Variants in ADARB2 observed in about 807,000 individuals in gnomAD.
ADARB2 encodes the protein adenosine deaminase RNA specific B2 (inactive).
In ADARB2, 25 loss-of-function variants were observed where a neutral mutation model predicts 62.2. That is an observed-to-expected ratio of 0.40 (90% CI 0.29 to 0.56). ADARB2 has a LOEUF of 0.56. Ranked by LOEUF, ADARB2 falls within the 20% of genes least tolerant of loss-of-function variation. The probability of loss-of-function intolerance (pLI) is 0.43; values close to 1 mark genes in which losing one functional copy is unlikely to be tolerated. For synonymous variants in ADARB2, 572 were observed against 500.8 expected, an observed-to-expected ratio of 1.14 and a Z score of -1.90; for missense variants, 1,071 against 1,077.4, an observed-to-expected ratio of 0.99 and a Z score of 0.08.
At chr10:1,266,505 G>C (rs910811262) in intron 4 of ADARB2, among the ~76,000 whole-genome samples, 5 of 102,356 alleles carry the variant, frequency 4.9e-5, no homozygotes, top group African/African-American at 1.6e-4. Context: ...GCGCTGTGGT[G>C]GGGGGTGGGG....
At chr10:1,204,396 G>A (rs1328032824) in intron 7 of ADARB2, among the ~76,000 whole-genome samples, 1 of 152,212 alleles carries the variant, frequency 6.6e-6, no homozygotes, top group African/African-American at 2.4e-5. Context: ...GACAAAGCAC[G>A]GCAAAGCAGA....
chr10:1,413,393 A>G (rs776264765), intron 1 of ADARB2, among the ~76,000 whole-genome samples: 1 of 152,144 alleles, frequency 6.6e-6, no homozygotes, highest in Non-Finnish European at 1.5e-5. Flanking sequence ...AGGAAAGTCT[A>G]TTTCATCATG....
chr10:1,695,636 T>A (rs1834729611), intron 1 of ADARB2, among the ~76,000 whole-genome samples: 1 of 152,174 alleles, frequency 6.6e-6, no homozygotes, highest in African/African-American at 2.4e-5. Context: ...TGTGTGCATG[T>A]ATACACATAA....
intron 1 of ADARB2, among the ~76,000 whole-genome samples, chr10:1,385,332 C>T (rs1477477704): frequency 1.3e-5 from 2 of 151,780 alleles, no homozygotes; most frequent in South Asian, 2.1e-4. Flanking sequence ...TCTAATGATG[C>T]TGAAATTAGC....
At position 1,551,388 on chromosome 10, in the gene ADARB2, T is replaced by C. The variant is rs11250617; in HGVS notation, c.101-172228A>G. Among the ~76,000 whole-genome samples, 46 of 152,320 alleles carry C rather than the reference T, an allele frequency of 3.0e-4. 1 individual carries two copies. Among genetic ancestry groups the C allele is most frequent in the East Asian group, 2.9e-3 (15 of 5,176 alleles). On this transcript the variant is annotated intron_variant, in intron 1 of 9. Transcript: ENST00000381312. ...CACTTGCTTAAGAGAGGAAAACCTG[T>C]TGTCCGGGCTGCCACAGTGGTAAAG...
chr10:1,409,195 C>T (rs1328203463), intron 1 of ADARB2, among the ~76,000 whole-genome samples: 1 of 93,552 alleles, frequency 1.1e-5, no homozygotes, highest in South Asian at 3.6e-4. Flanking sequence ...TCGACCCGCC[C>T]TGCCTGACAG....
chr10:1,717,156 C>CTTTTTTTTTTTTTTTT (rs397969884), intron 1 of ADARB2, among the ~76,000 whole-genome samples: 1 of 63,272 alleles, frequency 1.6e-5, no homozygotes. Context: ...TTGTAGTGTG[C>CTTTTTTTTTTTTTTTT]TTTTTTTTTT....
intron 3 of ADARB2, among the ~76,000 whole-genome samples, chr10:1,311,866 G>A (rs534317907): frequency 6.6e-6 from 1 of 152,318 alleles, no homozygotes; most frequent in South Asian, 2.1e-4. Context: ...AAGCCTCCCG[G>A]AGAATGTGAG....
At chr10:1,465,372 C>G (rs1831241080) in intron 1 of ADARB2, among the ~76,000 whole-genome samples, 1 of 152,226 alleles carries the variant, frequency 6.6e-6, no homozygotes, top group Non-Finnish European at 1.5e-5. Flanking sequence ...AACGATACCT[C>G]AGTGAAACCT....
chr10:1,501,095 G>A (rs138078217), intron 1 of ADARB2, among the ~76,000 whole-genome samples: 135 of 152,242 alleles, frequency 8.9e-4, no homozygotes, highest in African/African-American at 3.1e-3. Flanking sequence ...GGCTGGTCTT[G>A]AACTTCTGAC....
intron 1 of ADARB2, among the ~76,000 whole-genome samples, chr10:1,561,736 G>A (rs1832788193): frequency 6.6e-6 from 1 of 152,116 alleles, no homozygotes; most frequent in African/African-American, 2.4e-5. Flanking sequence ...CCCAGGTGGA[G>A]GTCTGAGAGG....
intron 1 of ADARB2, among the ~76,000 whole-genome samples, chr10:1,450,108 C>A (rs192389494): frequency 6.6e-6 from 1 of 152,342 alleles, no homozygotes; most frequent in East Asian, 1.9e-4. Context: ...AGTCTCCACA[C>A]TGAGAGCACA....
At chr10:1,394,852 G>T (rs1305868681) in intron 1 of ADARB2, 2 of 457,108 alleles carry the variant, frequency 4.4e-6, no homozygotes, top group South Asian at 1.5e-5. Context: ...CATATACCAG[G>T]ACTCGCTGTG....
intron 1 of ADARB2, among the ~76,000 whole-genome samples, chr10:1,468,302 G>C (rs1427653273): frequency 6.6e-6 from 1 of 152,186 alleles, no homozygotes; most frequent in African/African-American, 2.4e-5. Context: ...CTGAGGCCAA[G>C]GGGGCTCTCT....
intron 1 of ADARB2, among the ~76,000 whole-genome samples, chr10:1,449,180 C>T (rs1051381918): frequency 2.0e-5 from 3 of 152,162 alleles, no homozygotes; most frequent in East Asian, 1.9e-4. Flanking sequence ...TTGCCAGGAA[C>T]AGTCAGCCCC....
intron 5 of ADARB2, among the ~76,000 whole-genome samples, chr10:1,234,059 CCACT>C (rs1383549123): frequency 1.3e-5 from 2 of 151,212 alleles, no homozygotes; most frequent in East Asian, 3.9e-4. Context: ...CAACCTCCAC[CCACT>C]GAGTTCAAGC....
At chr10:1,362,965 G>T (rs1365497562) in intron 3 of ADARB2, 63 bp downstream of exon 3, 1 of 1,257,030 alleles carries the variant, frequency 8.0e-7, no homozygotes, top group Non-Finnish European at 1.0e-6. Context: ...AACAGGGAAA[G>T]GTCGGGGTCT....
At chr10:1,301,294 G>T (rs1589184826) in intron 3 of ADARB2, among the ~76,000 whole-genome samples, 1 of 149,038 alleles carries the variant, frequency 6.7e-6, no homozygotes, top group South Asian at 2.3e-4. Context: ...ACTGCTGAAT[G>T]TTCATAGAGA....
chr10:1,504,904 ACACACACACATGCGTGTGCGTG>A (rs1182166194), intron 1 of ADARB2, among the ~76,000 whole-genome samples: 2 of 152,058 alleles, frequency 1.3e-5, no homozygotes, highest in East Asian at 3.9e-4. Context: ...AGGAATGCAA[ACACACACACATGCGTGTGCGTG>A]CACACACACG....
Sources: gnomAD v4.1 joint callset for allele counts (sites outside exome capture counted in the v4.1 genomes callset) on GRCh38, gnomAD v4.1.1 for gene constraint, MANE v1.5 for transcripts, NCBI Gene and HGNC (gene_info 2026-07-23, HGNC 2026-07-21) for gene names.